INIP: variants seen among roughly 807,000 people sequenced by gnomAD.
The protein encoded by INIP is INTS3 and NABP interacting protein.
Under a neutral mutation model 14.0 loss-of-function variants are expected in INIP, and 9 were observed. That is an observed-to-expected ratio of 0.64 (90% CI 0.39 to 1.12). INIP has a LOEUF of 1.12. Ranked by LOEUF, INIP falls within the 50% of genes most tolerant of loss-of-function variation. INIP has a pLI of 0.01. For synonymous variants in INIP, 37 were observed against 41.5 expected (o/e 0.89, Z 0.41); for missense variants, 78 against 122.7 (o/e 0.64, Z 1.72).
rs536187011 is a variant in INIP at position 112,716,762 on chromosome 9, T to C, written c.-56-221A>G. Among the ~76,000 whole-genome samples the C allele has an allele frequency of 5.9e-5, 9 of 151,568 alleles. No individual in the cohort carries two copies. In the South Asian group the frequency reaches 6.3e-4, roughly 11 times the overall value. On this transcript the variant is annotated intron_variant, in intron 1 of 4. Coordinates refer to ENST00000374242, the MANE Select transcript of INIP (RefSeq NM_021218.3). The stretch of plus-strand genomic sequence containing the variant: ...CAGATCGAGACCATCCTGGCTAACA[T>C]GGTGAAACCCAGTCTCTACTAAAAA...
At chr9:112,710,543 C>G (rs1308087068) in intron 2 of INIP, among the ~76,000 whole-genome samples, 5 of 152,002 alleles carry the variant, frequency 3.3e-5, no homozygotes. Context: ...GAAAGCCTAC[C>G]AAATGTTCTA....
At position 112,684,013 on chromosome 9, in the gene INIP, T is replaced by A. The variant is rs902406087; in HGVS notation, c.*3525A>T. 1 of 152,178 alleles carries A rather than the reference T, an allele frequency of 6.6e-6. No individual in the cohort carries two copies. The highest frequency in any genetic ancestry group is 1.5e-5 in the Non-Finnish European group (1 of 68,030). 9.4% of individuals were successfully genotyped at this position (152,178 alleles called of 1,614,324 possible). ...TTATTTAGAAGCGGCTTTCAAAACT[T>A]TTTTTGCCATAACTCACAGTAAAAA... On this transcript the variant is annotated 3_prime_UTR_variant, in exon 5 of 5. Coordinates refer to ENST00000374242, the MANE Select transcript of INIP (RefSeq NM_021218.3).
intron 2 of INIP, among the ~76,000 whole-genome samples, chr9:112,701,328 G>A (rs964973396): frequency 2.0e-5 from 3 of 152,012 alleles, no homozygotes; most frequent in Non-Finnish European, 2.9e-5. Context: ...AATAAAAGCA[G>A]TCCACTAAGG....
In INIP at chr9:112,684,766, A is replaced by G. The variant is rs550271215; in HGVS notation, c.*2772T>C. The G allele has an allele frequency of 7.9e-5, 12 of 152,266 alleles. No homozygotes were observed. Among genetic ancestry groups the G allele is most frequent in the Non-Finnish European group, 1.5e-4 (10 of 68,032 alleles). The allele number at this position is 152,266 out of a possible 1,614,324, so 9.4% of individuals were successfully genotyped here. On this transcript the variant is annotated 3_prime_UTR_variant, in exon 5 of 5. Transcript: ENST00000374242. ...CACTTTGAAAAACACTAGTCTAGAC[A>G]ATTTCTGACATGGGCAGAGCATGTG...
chr9:112,689,713 G>A, intron 3 of INIP, 96 bp from the exon 4 acceptor site: 1 of 883,958 alleles, frequency 1.1e-6, no homozygotes, highest in East Asian at 2.6e-5. Context: ...TTTAAATTGA[G>A]GTATCCTTGA....
In INIP at chr9:112,717,805, G is replaced by C. The variant is rs555907472; in HGVS notation, c.-57+182C>G. Among the ~76,000 whole-genome samples the C allele has an allele frequency of 5.9e-5, 9 of 152,322 alleles. No homozygotes were observed. In the South Asian group the frequency reaches 1.7e-3, roughly 28 times the overall value. On this transcript the variant is annotated intron_variant, in intron 1 of 4. Coordinates refer to ENST00000374242, the MANE Select transcript of INIP (RefSeq NM_021218.3). ...CGTGCCAGAAAGGTCCCTGCCTACG[G>C]ATGTGCAGAGCCGGCTGGGCCCGGG...
intron 2 of INIP, among the ~76,000 whole-genome samples, chr9:112,695,043 AATATATCTCAAGAT>A (rs1564226750): frequency 6.6e-6 from 1 of 152,182 alleles, no homozygotes; most frequent in Non-Finnish European, 1.5e-5. Flanking sequence ...CTTCTCTTGA[AATATATCTCAAGAT>A]CTGGCAACAA....
At chr9:112,697,643 A>G (rs1838140820) in intron 2 of INIP, among the ~76,000 whole-genome samples, 1 of 152,224 alleles carries the variant, frequency 6.6e-6, no homozygotes, top group African/African-American at 2.4e-5. Flanking sequence ...CCTACTGCTC[A>G]GGAAATTATA....
rs1196155555 is a variant in INIP at position 112,696,705 on chromosome 9, C to T, written c.26-2472G>A. Among the ~76,000 whole-genome samples, 4 of 152,218 alleles carry T rather than the reference C, an allele frequency of 2.6e-5. No homozygotes were observed. In the East Asian group the frequency reaches 7.7e-4, roughly 29 times the overall value. ...CTGTAAACCGGGGGCCCCCATGACT[C>T]ACTCCTTGGATTTGGTTAATTTGCT... is the stretch of plus-strand genomic sequence containing the variant. On this transcript the variant is annotated intron_variant, in intron 2 of 4. Transcript: ENST00000374242.
In INIP at chr9:112,702,692, G is replaced by A. The variant is rs1337276366; in HGVS notation, c.26-8459C>T. Among the ~76,000 whole-genome samples, 5 of 152,078 alleles carry A rather than the reference G, an allele frequency of 3.3e-5. No homozygotes were observed. The East Asian group carries it at 7.7e-4, about 23-fold the overall frequency. The stretch of plus-strand genomic sequence containing the variant: ...CGATTCTCCTGCCTCAGCCTCCCAA[G>A]TAGCTGGGACTACAGGCACGTGCCA... On this transcript the variant is annotated intron_variant, in intron 2 of 4. Transcript: ENST00000374242.
At chr9:112,695,866 AGAAGAAGAAGGAGAAGAAGAAGAC>A in intron 2 of INIP, among the ~76,000 whole-genome samples, 1 of 150,888 alleles carries the variant, frequency 6.6e-6, no homozygotes, top group East Asian at 1.9e-4. Flanking sequence ...AAGAAGAAGG[AGAAGAAGAAGGAGAAGAAGAAGAC>A]ATGCCAGAAT....
At chr9:112,716,386 TA>T in intron 2 of INIP, 74 bp downstream of exon 2, 4 of 1,416,714 alleles carry the variant, frequency 2.8e-6, no homozygotes, top group Admixed American at 3.4e-5. Context: ...TGCCCTATGC[TA>T]AATTTTCTCT....
intron 2 of INIP, among the ~76,000 whole-genome samples, chr9:112,700,032 C>T (rs962243766): frequency 3.3e-5 from 5 of 152,144 alleles, no homozygotes; most frequent in African/African-American, 9.7e-5. Flanking sequence ...AAATAATACA[C>T]ATAACATGAA....
intron 2 of INIP, among the ~76,000 whole-genome samples, chr9:112,705,384 A>C (rs1564236560): frequency 6.6e-6 from 1 of 152,064 alleles, no homozygotes. Context: ...ATCAAGGCTC[A>C]CTGTAGCCTT....
In INIP at chr9:112,702,081, T is replaced by TAC. The variant is rs543325577; in HGVS notation, c.26-7850_26-7849dup. Among the ~76,000 whole-genome samples the TAC allele has an allele frequency of 8.6e-4, 129 of 150,112 alleles. 2 individuals carry two copies. The East Asian group carries it at 0.012, about 14-fold the overall frequency. ...TGTCTCAAAAATATATATATACACA[T>TAC]ACACACACACACACACATAATTCTT... On this transcript the variant is annotated intron_variant, in intron 2 of 4. Transcript: ENST00000374242.
intron 2 of INIP, among the ~76,000 whole-genome samples, chr9:112,704,377 C>T (rs1250480155): frequency 6.6e-6 from 1 of 152,154 alleles, no homozygotes; most frequent in Non-Finnish European, 1.5e-5. Context: ...AGCACCACTG[C>T]TACCAGAAAA....
intron 1 of INIP, 21 bp from the exon 2 acceptor site, chr9:112,716,562 C>T: frequency 2.9e-5 from 34 of 1,160,254 alleles, no homozygotes; most frequent in Non-Finnish European, 4.2e-5. Flanking sequence ...TGTGTACACA[C>T]ATATACAATG....
At chr9:112,707,015 G>A (rs888011806) in intron 2 of INIP, among the ~76,000 whole-genome samples, 6 of 152,026 alleles carry the variant, frequency 3.9e-5, no homozygotes, top group Admixed American at 2.6e-4. Flanking sequence ...AGGTTCAAGC[G>A]ATTCTCCTGC....
chr9:112,706,399 C>G (rs139488417), intron 2 of INIP, among the ~76,000 whole-genome samples: 1 of 152,036 alleles, frequency 6.6e-6, no homozygotes, highest in Non-Finnish European at 1.5e-5. Context: ...TAGGTGTGCA[C>G]TAGCACACCT....
Sources: gnomAD v4.1 joint callset for allele counts (sites outside exome capture counted in the v4.1 genomes callset) on GRCh38, gnomAD v4.1.1 for gene constraint, MANE v1.5 for transcripts, NCBI Gene and HGNC (gene_info 2026-07-23, HGNC 2026-07-21) for gene names.